FSTL4: variants seen among roughly 807,000 people sequenced by gnomAD.
FSTL4 encodes follistatin like 4.
In FSTL4, 28 loss-of-function variants were observed where a neutral mutation model predicts 78.2. That is an observed-to-expected ratio of 0.36 (90% CI 0.27 to 0.49). The LOEUF is 0.49. FSTL4 is among the 20% of genes least tolerant of loss of function. FSTL4 has a pLI of 0.98. For missense variants in FSTL4, 922 were observed against 1,084.9 expected (o/e 0.85, Z 2.11); for synonymous variants, 422 against 440.5 (o/e 0.96, Z 0.53).
chr5:133,701,509 A>ACACACACCCCC, the FSTL4 span, among the ~76,000 whole-genome samples: 164 of 132,682 alleles, frequency 1.2e-3, 1 homozygote, highest in Non-Finnish European at 2.0e-3. Context: ...ACACACACAC[A>ACACACACCCCC]CCCCACAGGC....
chr5:133,699,094 T>C, the FSTL4 span, among the ~76,000 whole-genome samples: 1 of 152,178 alleles, frequency 6.6e-6, no homozygotes, highest in Non-Finnish European at 1.5e-5. Context: ...CCCAGGCCTC[T>C]GGACTCCAGC....
In FSTL4 at chr5:133,510,056, C is replaced by T. The variant is rs1758694844; in HGVS notation, c.160+57130G>A. On this transcript the variant is annotated intron_variant, in intron 3 of 15. Coordinates refer to ENST00000265342, the MANE Select transcript of FSTL4 (RefSeq NM_015082.2). Reference sequence around the variant, plus strand: ...TGCCCACTGTATGCTAGGCCCTGTGCCAAGGTATTTAGTACGTTATATCCT... The same window carrying T: ...TGCCCACTGTATGCTAGGCCCTGTGTCAAGGTATTTAGTACGTTATATCCT... Among the ~76,000 whole-genome samples the T allele has an allele frequency of 2.0e-5, 3 of 152,232 alleles. No homozygotes were observed. The South Asian group carries it at 6.2e-4, about 32-fold the overall frequency.
intron 3 of FSTL4, among the ~76,000 whole-genome samples, chr5:133,562,229 T>C (rs1673484429): frequency 6.6e-6 from 1 of 152,202 alleles, no homozygotes; most frequent in Admixed American, 6.5e-5. Context: ...AGTTTATTAA[T>C]CTGTTTCATT....
chr5:133,562,892 T>G (rs138557767), intron 3 of FSTL4, among the ~76,000 whole-genome samples: 1 of 152,168 alleles, frequency 6.6e-6, no homozygotes, highest in East Asian at 1.9e-4. Context: ...CCGGTTTGAG[T>G]AGATGAATTT....
chr5:133,231,838 C>G (rs185042126), intron 8 of FSTL4, among the ~76,000 whole-genome samples: 2 of 152,220 alleles, frequency 1.3e-5, no homozygotes, highest in Non-Finnish European at 2.9e-5. Flanking sequence ...GCACACCGGC[C>G]TCATTTTCTC....
chr5:133,815,911 A>G, the FSTL4 span, among the ~76,000 whole-genome samples: 1 of 152,236 alleles, frequency 6.6e-6, no homozygotes, highest in Non-Finnish European at 1.5e-5. Context: ...AATCCCATGC[A>G]TTATACAGAC....
chr5:133,777,212 G>T, the FSTL4 span, among the ~76,000 whole-genome samples: 1 of 46,018 alleles, frequency 2.2e-5, no homozygotes, highest in African/African-American at 1.2e-4. Flanking sequence ...AGCTATTAAA[G>T]ATATGTATAT....
At chr5:133,680,779 C>T in the FSTL4 span, among the ~76,000 whole-genome samples, 2 of 152,226 alleles carry the variant, frequency 1.3e-5, no homozygotes, top group Non-Finnish European at 2.9e-5. Flanking sequence ...TGAATACTGA[C>T]TGACCTCACA....
the FSTL4 span, among the ~76,000 whole-genome samples, chr5:133,668,673 C>T: frequency 6.6e-6 from 1 of 152,148 alleles, no homozygotes; most frequent in African/African-American, 2.4e-5. Context: ...GGTCTGGAGA[C>T]ATTTGGGCCC....
chr5:133,748,142 C>T, the FSTL4 span, among the ~76,000 whole-genome samples: 414 of 151,268 alleles, frequency 2.7e-3, 3 homozygotes, highest in African/African-American at 9.6e-3. Context: ...TGCAGTGAGC[C>T]GAGATCATGC....
chr5:133,471,811 G>A (rs529980801), intron 3 of FSTL4, among the ~76,000 whole-genome samples: 1 of 152,254 alleles, frequency 6.6e-6, no homozygotes, highest in East Asian at 1.9e-4. Flanking sequence ...GCTTAAAGAT[G>A]ATGCCTTTAA....
At chr5:133,327,914 C>A (rs1035508259) in intron 4 of FSTL4, among the ~76,000 whole-genome samples, 28 of 152,200 alleles carry the variant, frequency 1.8e-4, no homozygotes, top group Admixed American at 1.5e-3. Flanking sequence ...TTAGATTTAG[C>A]CCCTCATCCT....
intron 6 of FSTL4, among the ~76,000 whole-genome samples, chr5:133,258,793 A>T (rs1419814606): frequency 6.6e-6 from 1 of 152,150 alleles, no homozygotes; most frequent in Non-Finnish European, 1.5e-5. Flanking sequence ...TACATAACAC[A>T]CCCCCTCAGA....
intron 4 of FSTL4, among the ~76,000 whole-genome samples, chr5:133,331,641 C>T (rs1481915943): frequency 6.6e-6 from 1 of 152,142 alleles, no homozygotes; most frequent in Non-Finnish European, 1.5e-5. Flanking sequence ...AAGAATGACC[C>T]AAACAGAGGG....
At chr5:133,522,828 G>A (rs1453429359) in intron 3 of FSTL4, among the ~76,000 whole-genome samples, 2 of 152,146 alleles carry the variant, frequency 1.3e-5, no homozygotes, top group Admixed American at 6.5e-5. Flanking sequence ...TAAGTGCCTC[G>A]GGGGCAGGGA....
At chr5:133,826,751 C>A in the FSTL4 span, among the ~76,000 whole-genome samples, 1 of 152,240 alleles carries the variant, frequency 6.6e-6, no homozygotes, top group Non-Finnish European at 1.5e-5. Flanking sequence ...GACGTAGATA[C>A]ATCTTTTGGG....
At chr5:133,230,570 G>A (rs758238586) in intron 8 of FSTL4, among the ~76,000 whole-genome samples, 4 of 152,222 alleles carry the variant, frequency 2.6e-5, no homozygotes, top group Admixed American at 6.5e-5. Context: ...TGCTGGTCTT[G>A]AGGTTTTTTT....
intron 4 of FSTL4, among the ~76,000 whole-genome samples, chr5:133,362,831 T>C (rs374033789): frequency 7.9e-5 from 12 of 152,390 alleles, no homozygotes; most frequent in African/African-American, 2.9e-4. Flanking sequence ...AAAAGCATCA[T>C]CTCATACTTT....
intron 4 of FSTL4, among the ~76,000 whole-genome samples, chr5:133,353,727 C>T (rs935033283): frequency 1.3e-5 from 2 of 152,230 alleles, no homozygotes; most frequent in South Asian, 2.1e-4. Context: ...TGTACACAAG[C>T]GCACACACAC....
Sources: gnomAD v4.1 joint callset for allele counts (sites outside exome capture counted in the v4.1 genomes callset) on GRCh38, gnomAD v4.1.1 for gene constraint, MANE v1.5 for transcripts, NCBI Gene and HGNC (gene_info 2026-07-23, HGNC 2026-07-21) for gene names.